KCNQ3: variants seen among roughly 807,000 people sequenced by gnomAD.
The protein encoded by KCNQ3 is potassium voltage-gated channel subfamily Q member 3, also known as potassium voltage-gated channel subfamily KQT member 3.
Under a neutral mutation model 92.5 loss-of-function variants are expected in KCNQ3, and 30 were observed. The ratio of observed to expected loss-of-function variants is 0.32; its 90% CI spans 0.24 to 0.44. KCNQ3 has a LOEUF of 0.44. Among genes scored for constraint, KCNQ3 ranks in the 20% least tolerant of loss-of-function variants. The pLI is 1.00. For missense variants in KCNQ3, 913 were observed against 1,140.3 expected (o/e 0.80, Z 2.87); for synonymous variants, 450 against 468.8 (o/e 0.96, Z 0.52).
chr8:132,274,535 CA>C (rs1816264183), intron 1 of KCNQ3, among the ~76,000 whole-genome samples: 1 of 152,176 alleles, frequency 6.6e-6, no homozygotes. Flanking sequence ...ACTAGCCTGC[CA>C]CCCCTTTCTA....
chr8:132,462,814 T>C (rs955891950), intron 1 of KCNQ3, among the ~76,000 whole-genome samples: 1 of 152,182 alleles, frequency 6.6e-6, no homozygotes, highest in African/African-American at 2.4e-5. Flanking sequence ...CACAGGTCAA[T>C]AAGGAATAGA....
intron 6 of KCNQ3, among the ~76,000 whole-genome samples, chr8:132,173,016 C>T (rs377263719): frequency 6.6e-6 from 1 of 152,156 alleles, no homozygotes; most frequent in East Asian, 1.9e-4. Context: ...GATAATAATA[C>T]CTAATGCATG....
intron 1 of KCNQ3, among the ~76,000 whole-genome samples, chr8:132,418,614 C>T (rs897776624): frequency 3.3e-5 from 5 of 152,026 alleles, no homozygotes; most frequent in East Asian, 1.9e-4. Context: ...GATGAAACAT[C>T]GTCTCTACTA....
intron 1 of KCNQ3, among the ~76,000 whole-genome samples, chr8:132,349,503 AC>A (rs1431669735): frequency 6.6e-6 from 1 of 152,248 alleles, no homozygotes; most frequent in African/African-American, 2.4e-5. Flanking sequence ...TTCAATCTGG[AC>A]TTGTCACGTG....
At chr8:132,159,623 C>A (rs1318196810) in intron 9 of KCNQ3, among the ~76,000 whole-genome samples, 1 of 152,192 alleles carries the variant, frequency 6.6e-6, no homozygotes, top group Non-Finnish European at 1.5e-5. Flanking sequence ...TACTGCTTCA[C>A]TGATATGGAG....
chr8:132,419,199 G>A lies in KCNQ3; in HGVS notation c.386+60948C>T, dbSNP rs1295489528. Among the ~76,000 whole-genome samples the A allele has an allele frequency of 3.3e-5, 5 of 152,282 alleles. No individual in the cohort carries two copies. In the East Asian group the frequency reaches 9.7e-4, roughly 29 times the overall value. On this transcript the variant is annotated intron_variant, in intron 1 of 14. Transcript: ENST00000388996. The stretch of plus-strand genomic sequence containing the variant: ...AAGGCAGAAATTCCTTCCACTGCCA[G>A]GCTCCCTGCTGAACAACAGTGTTCT...
At chr8:132,324,517 C>A (rs1183555978) in intron 1 of KCNQ3, among the ~76,000 whole-genome samples, 1 of 152,072 alleles carries the variant, frequency 6.6e-6, no homozygotes, top group African/African-American at 2.4e-5. Context: ...CTTTCTTTAC[C>A]CCAGTAACTT....
At chr8:132,409,683 C>A (rs1820595629) in intron 1 of KCNQ3, among the ~76,000 whole-genome samples, 2 of 152,170 alleles carry the variant, frequency 1.3e-5, no homozygotes, top group African/African-American at 4.8e-5. Context: ...AACACCTCAC[C>A]ATTTATCCCT....
chr8:132,250,311 GACA>G, intron 1 of KCNQ3, among the ~76,000 whole-genome samples: 1 of 152,284 alleles, frequency 6.6e-6, no homozygotes, highest in African/African-American at 2.4e-5. Flanking sequence ...ACAGATTCCT[GACA>G]ACATCACTTG....
chr8:132,318,927 G>C (rs1817818327), intron 1 of KCNQ3, among the ~76,000 whole-genome samples: 1 of 152,210 alleles, frequency 6.6e-6, no homozygotes, highest in Non-Finnish European at 1.5e-5. Flanking sequence ...GAATGTTAGT[G>C]CAGGAAGCTG....
chr8:132,202,693 G>A (rs981301542), intron 1 of KCNQ3, among the ~76,000 whole-genome samples: 1 of 152,122 alleles, frequency 6.6e-6, no homozygotes, highest in African/African-American at 2.4e-5. Context: ...CCAATACCTT[G>A]TTCCTCATTT....
At chr8:132,355,337 A>G (rs1189035575) in intron 1 of KCNQ3, among the ~76,000 whole-genome samples, 2 of 151,980 alleles carry the variant, frequency 1.3e-5, no homozygotes, top group African/African-American at 4.8e-5. Context: ...CCACTCCAGC[A>G]CCATCACAGC....
At chr8:132,262,457 A>G (rs144868578) in intron 1 of KCNQ3, among the ~76,000 whole-genome samples, 9 of 152,324 alleles carry the variant, frequency 5.9e-5, no homozygotes, top group African/African-American at 2.2e-4. Context: ...ATTTTAATGC[A>G]ATAACATCTC....
intron 1 of KCNQ3, among the ~76,000 whole-genome samples, chr8:132,449,508 G>C (rs2130848208): frequency 6.6e-6 from 1 of 152,082 alleles, no homozygotes; most frequent in African/African-American, 2.4e-5. Flanking sequence ...TTCCAGTTCA[G>C]GTCCTCCAGC....
intron 1 of KCNQ3, among the ~76,000 whole-genome samples, chr8:132,260,849 A>ACATC (rs1369689372): frequency 6.6e-6 from 1 of 151,718 alleles, no homozygotes; most frequent in Non-Finnish European, 1.5e-5. Context: ...ATCCATCCAA[A>ACATC]CATCCATCCA....
chr8:132,418,341 G>A (rs936989080), intron 1 of KCNQ3, among the ~76,000 whole-genome samples: 4 of 152,154 alleles, frequency 2.6e-5, no homozygotes, highest in African/African-American at 7.2e-5. Context: ...AATGAGGCGT[G>A]CTCACGGAAG....
At chr8:132,456,534 T>G (rs1821943945) in intron 1 of KCNQ3, among the ~76,000 whole-genome samples, 1 of 152,170 alleles carries the variant, frequency 6.6e-6, no homozygotes, top group African/African-American at 2.4e-5. Context: ...AAATGATGTA[T>G]GTGGGTATTT....
rs1316697709 is a variant in KCNQ3 at position 132,480,384 on chromosome 8, A to T, written c.149T>A (p.Val50Glu). 1.3e-6 allele frequency: 2 copies of T among 1,559,968 alleles called. No individual in the cohort carries two copies. The highest frequency in any genetic ancestry group is 1.8e-5 in the Admixed American group (1 of 56,552). The change falls in exon 1 of 15, where the codon GTG becomes GAG. Residue 50 changes from valine (V) to glutamate (E), a missense_variant. Physicochemically the swap from Val to Glu is moderately radical, Grantham distance 121. Coordinates refer to ENST00000388996, the MANE Select transcript of KCNQ3 (RefSeq NM_004519.4). Reference protein sequence around the residue: ...ERKVGLAPGDVEQVTLALGAG... With the variant: ...ERKVGLAPGDEEQVTLALGAG... ...CCCGAGCGCCAAGGTGACTTGCTCC[A>T]CGTCGCCGGGCGCCAGCCCCACTTT...
chr8:132,463,881 C>T (rs1376024131), intron 1 of KCNQ3, among the ~76,000 whole-genome samples: 2 of 152,204 alleles, frequency 1.3e-5, no homozygotes, highest in Admixed American at 6.5e-5. Flanking sequence ...GGCACAGTCT[C>T]GGCTCACCGC....
Sources: gnomAD v4.1 joint callset for allele counts (sites outside exome capture counted in the v4.1 genomes callset) on GRCh38, gnomAD v4.1.1 for gene constraint, MANE v1.5 for transcripts, NCBI Gene and HGNC (gene_info 2026-07-23, HGNC 2026-07-21) for gene names.